TLR1: variants seen among roughly 807,000 people sequenced by gnomAD.
The protein encoded by TLR1 is toll like receptor 1.
Under a neutral mutation model 20.2 loss-of-function variants are expected in TLR1, and 19 were observed. The observed-to-expected ratio is 0.94, with a 90% CI of 0.66 to 1.38. The LOEUF is 1.38. Among genes scored for constraint, TLR1 ranks in the 40% most tolerant of loss-of-function variants. TLR1 has a pLI of 0.00. For missense variants in TLR1, 921 were observed against 910.0 expected (o/e 1.01, Z -0.16); for synonymous variants, 320 against 334.5 (o/e 0.96, Z 0.47).
downstream of TLR1, among the ~76,000 whole-genome samples, chr4:38,789,399 A>G (rs1316131055): frequency 1.3e-5 from 2 of 152,238 alleles, no homozygotes; most frequent in Admixed American, 6.5e-5. Context: ...TTACCAGCAC[A>G]CTACAGCAGC....
At position 38,797,907 on chromosome 4, in the gene TLR1, T is replaced by A. The variant is rs1170953944; in HGVS notation, c.925A>T (p.Ser309Cys). 6.2e-7 allele frequency: 1 copy of A among 1,613,976 alleles called. No homozygotes were observed. Among genetic ancestry groups the A allele is most frequent in the Non-Finnish European group, 8.5e-7 (1 of 1,179,954 alleles). ...LKALSIHQVV[S>C]DVFGFPQSYI... ...CTTTGCGGAAAACCGAACACATCGC[T>A]GACAACTTGGTGTATAGACAAGGCC... The change falls in exon 4 of 4, where the codon AGC becomes TGC. Residue 309 changes from serine (S) to cysteine (C), a missense_variant. Physicochemically the swap from Ser to Cys is moderately radical, Grantham distance 112. Coordinates refer to ENST00000308979, the MANE Select transcript of TLR1 (RefSeq NM_003263.4).
chr4:38,803,051 G>A (rs546330932), intron 2 of TLR1, among the ~76,000 whole-genome samples: 24 of 152,294 alleles, frequency 1.6e-4, no homozygotes, highest in Non-Finnish European at 7.4e-5. Context: ...AAAGAGTTAA[G>A]CTGCTGACCC....
intron 3 of TLR1, among the ~76,000 whole-genome samples, 179 bp from the exon 4 acceptor site, chr4:38,799,077 G>A (rs1041013316): frequency 1.3e-5 from 2 of 152,178 alleles, no homozygotes; most frequent in African/African-American, 4.8e-5. Flanking sequence ...AATGATGCCA[G>A]CTCTAATCAA....
At chr4:38,789,465 CT>C (rs1004949480), downstream of TLR1, among the ~76,000 whole-genome samples, 22 of 151,322 alleles carry the variant, frequency 1.5e-4, no homozygotes, top group African/African-American at 4.6e-4. Context: ...CAATGGTTTA[CT>C]TTTTTTTTCT....
At position 38,797,542 on chromosome 4, in the gene TLR1, C is replaced by T. The variant is rs1726200545; in HGVS notation, c.1290G>A (p.Met430Ile). Reference sequence around the variant, plus strand: ...TAGTGTCAGTAAGTATATTTGAAGACATATTTAAACTTAATAAACTTTTAG... The same window carrying T: ...TAGTGTCAGTAAGTATATTTGAAGATATATTTAAACTTAATAAACTTTTAG... ...SWTKSLLSLN[M>I]SSNILTDTIF... Residue 430 changes from methionine (M) to isoleucine (I), a missense_variant, in exon 4 of 4, where the codon ATG (methionine) becomes ATA (isoleucine). Physicochemically the swap from Met to Ile is conservative, Grantham distance 10. Coordinates refer to ENST00000308979, the MANE Select transcript of TLR1 (RefSeq NM_003263.4). The T allele has an allele frequency of 6.2e-7, 1 of 1,613,616 alleles. No homozygotes were observed.
In TLR1 at chr4:38,797,942, G is replaced by A; in HGVS notation, c.890C>T (p.Thr297Ile). 1 of 1,614,164 alleles carries A rather than the reference G, an allele frequency of 6.2e-7. No homozygotes were observed. The highest frequency in any genetic ancestry group is 1.1e-5 in the South Asian group (1 of 91,078). The change falls in exon 4 of 4, where the codon ACT (threonine) becomes ATT (isoleucine). Residue 297 changes from threonine to isoleucine, a missense_variant. Physicochemically the swap from Thr to Ile is moderately conservative, Grantham distance 89. Transcript: ENST00000308979. ...LDFRDFDYSG[T>I]SLKALSIHQV... ...GTGTATAGACAAGGCCTTCAAGGAA[G>A]TGCCAGAATAATCAAAATCTCTGAA...
At chr4:38,795,026 C>T (rs1343492689), downstream of TLR1, among the ~76,000 whole-genome samples, 1 of 152,174 alleles carries the variant, frequency 6.6e-6, no homozygotes, top group Admixed American at 6.5e-5. Flanking sequence ...AATGGAAAGT[C>T]AATGCAAAAC....
At chr4:38,790,154 T>C (rs1184268439), downstream of TLR1, among the ~76,000 whole-genome samples, 2 of 152,260 alleles carry the variant, frequency 1.3e-5, no homozygotes, top group Non-Finnish European at 2.9e-5. Flanking sequence ...GAGTTGTTGC[T>C]ATCCTGGAAA....
Position 38,797,430 on chromosome 4 carries a change from C to T in TLR1, c.1402G>A (p.Glu468Lys). ...GCAACATTGAGTTCTTGCAAAGCTT[C>T]CAGTTTTACGACTTGTTTAGGAATG... ...KSIPKQVVKLEALQELNVAFN... is the reference protein window; with the variant it reads ...KSIPKQVVKLKALQELNVAFN... The change falls in exon 4 of 4, where the codon GAA becomes AAA. Residue 468 changes from glutamate to lysine, a missense_variant. Physicochemically the swap from Glu to Lys is moderately conservative, Grantham distance 56. Coordinates refer to ENST00000308979, the MANE Select transcript of TLR1 (RefSeq NM_003263.4). The T allele has an allele frequency of 1.9e-6, 3 of 1,614,192 alleles. No individual in the cohort carries two copies. In the Middle Eastern group the frequency reaches 5.0e-4, roughly 266 times the overall value.
Position 38,797,151 on chromosome 4 carries a change from T to C in TLR1, c.1681A>G (p.Ser561Gly). 6.2e-7 allele frequency: 1 copy of C among 1,614,254 alleles called. No individual in the cohort carries two copies. The highest frequency in any genetic ancestry group is 1.1e-5 in the South Asian group (1 of 91,088). ...PDSYKCDYPE[S>G]YRGTLLKDFH... ...TCCTTTAGTAGGGTTCCTCTATAAC[T>C]TTCCGGGTAGTCACACTTATAAGAA... Residue 561 changes from serine (S) to glycine (G), a missense_variant, in exon 4 of 4, where the codon AGT becomes GGT. Transcript: ENST00000308979.
chr4:38,791,919 G>T (rs1196651087), downstream of TLR1, among the ~76,000 whole-genome samples: 1 of 152,164 alleles, frequency 6.6e-6, no homozygotes, highest in Non-Finnish European at 1.5e-5. Flanking sequence ...CTAGAAGAAG[G>T]TGGAAGAAGC....
intron 2 of TLR1, among the ~76,000 whole-genome samples, chr4:38,801,224 C>A (rs74478970): frequency 3.9e-5 from 6 of 152,262 alleles, no homozygotes; most frequent in Non-Finnish European, 8.8e-5. Flanking sequence ...AAGAATAGAG[C>A]CTTTATGAGT....
chr4:38,798,993 A>G, intron 3 of TLR1, 95 bp from the exon 4 acceptor site: 1 of 591,624 alleles, frequency 1.7e-6, no homozygotes, highest in Non-Finnish European at 2.9e-6. Flanking sequence ...TTTTTGTTAC[A>G]GACTTATAAA....
At chr4:38,800,324 T>G (rs565708929) in intron 3 of TLR1, 1 of 152,338 alleles carries the variant, frequency 6.6e-6, no homozygotes, top group South Asian at 2.1e-4. Context: ...GGAGTTGGGA[T>G]TCTATTCCAA....
chr4:38,793,918 A>G (rs534506065), downstream of TLR1, among the ~76,000 whole-genome samples: 40 of 152,234 alleles, frequency 2.6e-4, 1 homozygote, highest in South Asian at 7.9e-3. Flanking sequence ...ACAGAGACAG[A>G]CAGGCATAGA....
upstream of TLR1, chr4:38,805,357 G>C (rs1421224093): frequency 6.6e-6 from 1 of 152,106 alleles, no homozygotes; most frequent in Non-Finnish European, 1.5e-5. Context: ...TTTTTCCACT[G>C]ATCTTTTCAA....
At chr4:38,802,310 G>T (rs578159169) in intron 2 of TLR1, among the ~76,000 whole-genome samples, 32 of 152,276 alleles carry the variant, frequency 2.1e-4, no homozygotes, top group Middle Eastern at 3.4e-3. Context: ...GAAGCTGGTG[G>T]TTAGCAGACT....
downstream of TLR1, among the ~76,000 whole-genome samples, chr4:38,793,746 G>A (rs559920876): frequency 2.6e-5 from 4 of 152,194 alleles, no homozygotes; most frequent in East Asian, 1.9e-4. Flanking sequence ...TTGTGTCTCC[G>A]AAAATTCATA....
rs1298398251 is a variant in TLR1, at chr4:38,798,010, C to G, written c.822G>C (p.Trp274Cys). ...ILQLVWHTTVWYFSISNVKLQ... is the reference protein window; with the variant it reads ...ILQLVWHTTVCYFSISNVKLQ... ...GCTTCACGTTTGAAATTGAGAAATA[C>G]CATACAGTTGTATGCCAAACCAGCT... The change falls in exon 4 of 4, where the codon TGG becomes TGC. Residue 274 changes from tryptophan to cysteine, a missense_variant. Coordinates refer to ENST00000308979, the MANE Select transcript of TLR1 (RefSeq NM_003263.4). 2.5e-6 allele frequency: 4 copies of G among 1,614,012 alleles called. No individual in the cohort carries two copies. The African/African-American group carries it at 5.3e-5, about 22-fold the overall frequency.
Sources: gnomAD v4.1 joint callset for allele counts (sites outside exome capture counted in the v4.1 genomes callset) on GRCh38, gnomAD v4.1.1 for gene constraint, MANE v1.5 for transcripts, NCBI Gene and HGNC (gene_info 2026-07-23, HGNC 2026-07-21) for gene names.